Variants in ARAP3 observed in about 807,000 individuals in gnomAD.
The protein encoded by ARAP3 is arf-GAP with Rho-GAP domain, ANK repeat and PH domain-containing protein 3.
In ARAP3, 82 loss-of-function variants were observed where a neutral mutation model predicts 169.2. The observed-to-expected ratio is 0.48, with a 90% CI of 0.41 to 0.58. The LOEUF is 0.58. ARAP3 is among the 20% of genes least tolerant of loss of function. The pLI is 0.00. For synonymous variants in ARAP3, 791 were observed against 800.3 expected (o/e 0.99, Z 0.20); for missense variants, 1,764 against 2,018.0 (o/e 0.87, Z 2.41).
intron 4 of ARAP3, among the ~76,000 whole-genome samples, chr5:141,679,131 A>G (rs933448514): frequency 6.6e-6 from 1 of 152,118 alleles, no homozygotes; most frequent in African/African-American, 2.4e-5. Context: ...TCTACTAAAA[A>G]TATAAAAATT....
rs760571530 is a variant in ARAP3 at position 141,654,237 on chromosome 5, G to A, written c.4348C>T (p.Leu1450Phe). 2 of 1,614,168 alleles carry A rather than the reference G, an allele frequency of 1.2e-6. No homozygotes were observed. Among genetic ancestry groups the A allele is most frequent in the Non-Finnish European group, 1.7e-6 (2 of 1,180,014 alleles). ...TGGCCAAGGGTGCTTGACTTGGAGA[G>A]AAAGGGTTGATCCAATGACTTCTGG... ...TSQKSLDQPF[L>F]SKSSTLGQEE... The change falls in exon 33 of 33, where the codon CTC becomes TTC. Residue 1450 changes from leucine to phenylalanine, a missense_variant. Coordinates refer to ENST00000239440, the MANE Select transcript of ARAP3 (RefSeq NM_022481.6).
chr5:141,671,602 G>C lies in ARAP3; in HGVS notation c.1822C>G (p.Pro608Ala). 1 of 1,614,088 alleles carries C rather than the reference G, an allele frequency of 6.2e-7. No individual in the cohort carries two copies. The highest frequency in any genetic ancestry group is 8.5e-7 in the Non-Finnish European group (1 of 1,179,976). The change falls in exon 12 of 33, where the codon CCT becomes GCT. Residue 608 changes from proline to alanine, a missense_variant. By Grantham distance (27) the Pro-to-Ala change is conservative. Transcript: ENST00000239440. The surrounding 1 kb of genome is among the most constrained non-coding windows in gnomAD (Gnocchi z 4.9). ...YRLGLFRKPH[P>A]QYPDHSQLLQ... The stretch of plus-strand genomic sequence containing the variant: ...AGCTGGCTATGATCTGGGTACTGAG[G>C]GTGGGGCTTCCGGAAGAGACCCAGA...
At chr5:141,676,526 A>T (rs2099912209) in intron 4 of ARAP3, among the ~76,000 whole-genome samples, 1 of 152,062 alleles carries the variant, frequency 6.6e-6, no homozygotes, top group African/African-American at 2.4e-5. Context: ...ACTTGTCAAG[A>T]TCCCCAGTGA....
At chr5:141,655,050 A>G (rs2154598633) in intron 32 of ARAP3, among the ~76,000 whole-genome samples, 1 of 151,716 alleles carries the variant, frequency 6.6e-6, no homozygotes, top group Non-Finnish European at 1.5e-5. Flanking sequence ...TTCTCCTTTT[A>G]TTACTGCATC....
chr5:141,677,443 TGGAA>T (rs1406069832), intron 4 of ARAP3, among the ~76,000 whole-genome samples: 1 of 151,726 alleles, frequency 6.6e-6, no homozygotes, highest in African/African-American at 2.4e-5. Context: ...CCAGCTCAGA[TGGAA>T]GCCCTCAAAG....
In ARAP3 at chr5:141,671,580, T is replaced by A; in HGVS notation, c.1844A>T (p.Gln615Leu). The A allele has an allele frequency of 1.2e-6, 2 of 1,614,006 alleles. No homozygotes were observed. The highest frequency in any genetic ancestry group is 1.7e-5 in the Admixed American group (1 of 60,008). The change falls in exon 12 of 33, where the codon CAG (glutamine) becomes CTG (leucine). Residue 615 changes from glutamine (Q) to leucine (L), a missense_variant. Physicochemically the swap from Gln to Leu is moderately radical, Grantham distance 113 (BLOSUM62 -2). Coordinates refer to ENST00000239440, the MANE Select transcript of ARAP3 (RefSeq NM_022481.6). This position sits in a 1 kb window ranked among gnomAD's most constrained non-coding sequence, Gnocchi z 4.9. ...KPHPQYPDHSQLLQALCAAVA... is the reference protein window; with the variant it reads ...KPHPQYPDHSLLLQALCAAVA... The stretch of plus-strand genomic sequence containing the variant: ...CTCTGTCCCTCCTACCTGGAGAAGC[T>A]GGCTATGATCTGGGTACTGAGGGTG...
rs1288872564 is a variant in ARAP3 at position 141,671,555 on chromosome 5, C to G, written c.1854+15G>C. On this transcript the variant is annotated intron_variant, in intron 12 of 32. Coordinates refer to ENST00000239440, the MANE Select transcript of ARAP3 (RefSeq NM_022481.6). This position sits in a 1 kb window ranked among gnomAD's most constrained non-coding sequence, Gnocchi z 4.9. ...ACCCCCCCACCCCAGATCACCCCTG[C>G]TCTGTCCCTCCTACCTGGAGAAGCT... The G allele has an allele frequency of 1.9e-6, 3 of 1,613,578 alleles. No individual in the cohort carries two copies. Among genetic ancestry groups the G allele is most frequent in the Non-Finnish European group, 2.5e-6 (3 of 1,179,838 alleles).
In ARAP3 at chr5:141,654,191, G is replaced by A. The variant is rs2099908889; in HGVS notation, c.4394C>T (p.Pro1465Leu). 2 of 1,614,074 alleles carry A rather than the reference G, an allele frequency of 1.2e-6. No homozygotes were observed. The highest frequency in any genetic ancestry group is 1.7e-6 in the Non-Finnish European group (2 of 1,179,954). The change falls in exon 33 of 33, where the codon CCC (proline) becomes CTC (leucine). Residue 1465 changes from proline (P) to leucine (L), a missense_variant. By Grantham distance (98) the Pro-to-Leu change is moderately conservative. This residue lies in a region of ARAP3 where 1,112 missense variants were observed against 1,285.7 expected (regional missense o/e 0.86). Coordinates refer to ENST00000239440, the MANE Select transcript of ARAP3 (RefSeq NM_022481.6). ...TLGQEERPPE[P>L]PPGPPSKSSP... ...GCTCTTTGAAGGGGGGCCTGGAGGG[G>A]GCTCAGGTGGCCTCTCCTCCTGGCC... is the stretch of plus-strand genomic sequence containing the variant.
In ARAP3 at chr5:141,661,670, C is replaced by G; in HGVS notation, c.3119+14G>C. 11 of 1,612,916 alleles carry G rather than the reference C, an allele frequency of 6.8e-6. No homozygotes were observed. Among genetic ancestry groups the G allele is most frequent in the Non-Finnish European group, 9.3e-6 (11 of 1,178,912 alleles). On this transcript the variant is annotated intron_variant, in intron 21 of 32. Coordinates refer to ENST00000239440, the MANE Select transcript of ARAP3 (RefSeq NM_022481.6). ...AGTGAGGAAGGGTTCTGCAGAGGGT[C>G]TAGCCATACTGACCGATAGAGATGC...
intron 13 of ARAP3, 29 bp from the exon 14 acceptor site, chr5:141,670,657 C>A (rs1162378344): frequency 1.3e-6 from 2 of 1,584,236 alleles, no homozygotes; most frequent in Admixed American, 1.7e-5. Context: ...GTAGTCAGGT[C>A]AACCAAGTGC....
intron 32 of ARAP3, among the ~76,000 whole-genome samples, chr5:141,654,656 G>C (rs2099908963): frequency 6.6e-6 from 1 of 151,998 alleles, no homozygotes; most frequent in Admixed American, 6.5e-5. Context: ...GTAGAGCTGG[G>C]GTTTGAACCC....
At position 141,653,682 on chromosome 5, in the gene ARAP3, G is replaced by T; in HGVS notation, c.*268C>A. 2.8e-6 allele frequency: 1 copy of T among 358,062 alleles called. No individual in the cohort carries two copies. Among genetic ancestry groups the T allele is most frequent in the Non-Finnish European group, 5.0e-6 (1 of 200,426 alleles). The allele number at this position is 358,062 out of a possible 1,614,324, so 22.2% of individuals were successfully genotyped here. ...CCCTTGTTCAGGGATAATATGTGGG[G>T]CTTATGGCTCTAAGAAACACAGTTT... On this transcript the variant is annotated 3_prime_UTR_variant, in exon 33 of 33. Transcript: ENST00000239440.
At position 141,672,839 on chromosome 5, in the gene ARAP3, G is replaced by A. The variant is rs1392367716; in HGVS notation, c.1180C>T (p.Arg394Ter). 3.1e-6 allele frequency: 5 copies of A among 1,611,408 alleles called. No homozygotes were observed. The highest frequency in any genetic ancestry group is 1.1e-5 in the South Asian group (1 of 90,844). The change falls in exon 8 of 33, where the codon CGA becomes TGA. Residue 394 changes from arginine to a stop codon, truncating the protein, a stop_gained. Transcript: ENST00000239440. LOFTEE classifies it high-confidence loss of function. This position sits in a 1 kb window ranked among gnomAD's most constrained non-coding sequence, Gnocchi z 4.9. ...LGHPRPPQPPRPLRTGMLELR... is the reference protein window; with the variant it reads ...LGHPRPPQPP ...TCCAGCATGCCCGTGCGGAGGGGTC[G>A]GGGTGGTTGGGGGGGCCGGGGGTGG... is the stretch of plus-strand genomic sequence containing the variant.
Position 141,665,350 on chromosome 5 carries a change from G to A in ARAP3, c.2597C>T (p.Pro866Leu), listed in dbSNP as rs2099910493. Residue 866 changes from proline to leucine, a missense_variant, in exon 18 of 33, where the codon CCA becomes CTA. Pro to Leu is a moderately conservative substitution (Grantham distance 98). Around this residue, in one of 3 missense-constraint regions of ARAP3, gnomAD observed 1,112 missense variants for 1,285.7 expected, o/e 0.86. Transcript: ENST00000239440. Reference protein sequence around the residue: ...EISVVSAADTPDKKEHLVLVE... With the variant: ...EISVVSAADTLDKKEHLVLVE... ...CAGGACCAAATGCTCTTTCTTATCT[G>A]GGGTGTCAGCTGCAGAAACCACACC... 2 of 1,614,200 alleles carry A rather than the reference G, an allele frequency of 1.2e-6. 1 individual carries two copies.
chr5:141,655,449 CAGTG>C (rs773769179), intron 31 of ARAP3, 49 bp from the exon 32 acceptor site: 38 of 1,583,508 alleles, frequency 2.4e-5, no homozygotes, highest in Non-Finnish European at 2.9e-5. Flanking sequence ...CATAAAGACA[CAGTG>C]AGGACTAGCA....
At chr5:141,663,792 G>A (rs74450522) in intron 19 of ARAP3, among the ~76,000 whole-genome samples, 3 of 151,972 alleles carry the variant, frequency 2.0e-5, no homozygotes, top group South Asian at 2.1e-4. Flanking sequence ...TTGTGGAGGC[G>A]CTGTTTTTTT....
At chr5:141,655,232 A>ACC in intron 32 of ARAP3, 130 bp downstream of exon 32, 1 of 787,818 alleles carries the variant, frequency 1.3e-6, no homozygotes. Context: ...GCCTACACAC[A>ACC]CACACACACA....
rs1208481041 is a variant in ARAP3, at chr5:141,672,327, G to A, written c.1386-26C>T. 6.2e-7 allele frequency: 1 copy of A among 1,612,510 alleles called. No homozygotes were observed. Among genetic ancestry groups the A allele is most frequent in the African/African-American group, 1.3e-5 (1 of 74,822 alleles). On this transcript the variant is annotated intron_variant, in intron 9 of 32. Transcript: ENST00000239440. The surrounding 1 kb of genome is among the most constrained non-coding windows in gnomAD (Gnocchi z 4.9). ...CTGAGGGGTGGACAGCCAGTCCATG[G>A]GCATGGACCTACCTGCCATGTCCCA...
In ARAP3 at chr5:141,673,439, A is replaced by G; in HGVS notation, c.934T>C (p.Phe312Leu). The change falls in exon 6 of 33, where the codon TTC becomes CTC. Residue 312 changes from phenylalanine (F) to leucine (L), a missense_variant. Physicochemically the swap from Phe to Leu is conservative, Grantham distance 22 (BLOSUM62 0). This residue lies in a region of ARAP3 where 630 missense variants were observed against 678.7 expected (regional missense o/e 0.93). Transcript: ENST00000239440. ...NYVFQRRFVQ[F>L]NGRSLMYFGS... ...AAGTACATCAGACTCCTCCCATTGA[A>G]CTGCACAAAGCGTCTCTGGAAGACA... is the stretch of plus-strand genomic sequence containing the variant. 1 of 1,614,050 alleles carries G rather than the reference A, an allele frequency of 6.2e-7. No homozygotes were observed. The highest frequency in any genetic ancestry group is 8.5e-7 in the Non-Finnish European group (1 of 1,180,006).
Sources: gnomAD v4.1 joint callset for allele counts (sites outside exome capture counted in the v4.1 genomes callset) on GRCh38, gnomAD v4.1.1 for gene constraint, gnomAD v4.1.1 regional missense constraint, Gnocchi (gnomAD v3.1) non-coding constraint, MANE v1.5 for transcripts, NCBI Gene and HGNC (gene_info 2026-07-23, HGNC 2026-07-21) for gene names.